KIRREL3: variants seen among roughly 807,000 people sequenced by gnomAD.
KIRREL3 encodes kirre like nephrin family adhesion molecule 3, also known as kin of IRRE-like protein 3.
Under a neutral mutation model 89.7 loss-of-function variants are expected in KIRREL3, and 36 were observed. That is an observed-to-expected ratio of 0.40 (90% CI 0.31 to 0.53). The LOEUF is 0.53. KIRREL3 is among the 20% of genes least tolerant of loss of function. KIRREL3 has a pLI of 0.49. For missense variants in KIRREL3, 864 were observed against 1,056.6 expected, an observed-to-expected ratio of 0.82 and a Z score of 2.53; for synonymous variants, 445 against 441.4, an observed-to-expected ratio of 1.01 and a Z score of -0.10.
rs1957084747 is a variant in KIRREL3 at position 126,476,961 on chromosome 11, C to T, written c.434-3495G>A. Among the ~76,000 whole-genome samples, 1 of 152,234 alleles carries T rather than the reference C, an allele frequency of 6.6e-6. No homozygotes were observed. On this transcript the variant is annotated intron_variant, in intron 4 of 16. Transcript: ENST00000525144. This position sits in a 1 kb window ranked among gnomAD's most constrained non-coding sequence, Gnocchi z 6.4. ...AGGAAGGTGGAGGCGTTAGCCTTTT[C>T]GTGATTAATCCGGAGATAAAAATAG... is the stretch of plus-strand genomic sequence containing the variant.
rs529497796 is a variant in KIRREL3, at chr11:126,623,339, C to T, written c.56-60427G>A. ...TGGTGTATGAGCAGGCCCCTGGGAT[C>T]GACACATGGATGAAGGGAGCCCTCT... On this transcript the variant is annotated intron_variant, in intron 1 of 16. Transcript: ENST00000525144. This position sits in a 1 kb window ranked among gnomAD's most constrained non-coding sequence, Gnocchi z 4.1. Among the ~76,000 whole-genome samples the T allele has an allele frequency of 3.3e-5, 5 of 152,252 alleles. No individual in the cohort carries two copies. The highest frequency in any genetic ancestry group is 4.2e-4 in the South Asian group (2 of 4,810).
intron 1 of KIRREL3, among the ~76,000 whole-genome samples, chr11:126,971,010 T>C (rs1949413621): frequency 6.6e-6 from 1 of 152,216 alleles, no homozygotes; most frequent in Admixed American, 6.5e-5. Context: ...TTAGTAAACA[T>C]TGCTTTTCCA....
Position 126,790,406 on chromosome 11 carries a change from G to A in KIRREL3, c.55+210049C>T, listed in dbSNP as rs117036777. 3.5e-4 allele frequency among the ~76,000 whole-genome samples: 53 copies of A among 152,322 alleles called. 1 individual carries two copies. In the East Asian group the frequency reaches 9.6e-3, roughly 28 times the overall value. On this transcript the variant is annotated intron_variant, in intron 1 of 16. Coordinates refer to ENST00000525144, the MANE Select transcript of KIRREL3 (RefSeq NM_032531.4). Reference sequence around the variant, plus strand: ...GAGGCTCTCCCCTGGTTAGCTTGATGACATTGGTCATCGAAGTTAACCTTC... The same window carrying A: ...GAGGCTCTCCCCTGGTTAGCTTGATAACATTGGTCATCGAAGTTAACCTTC...
At chr11:126,831,431 C>T (rs575819441) in intron 1 of KIRREL3, among the ~76,000 whole-genome samples, 43 of 68,714 alleles carry the variant, frequency 6.3e-4, no homozygotes, top group South Asian at 4.6e-3. Context: ...CTATCTCTCT[C>T]TCTTTCTCTC....
rs913240191 is a variant in KIRREL3 at position 126,970,572 on chromosome 11, G to T, written c.55+29883C>A. 3.3e-5 allele frequency among the ~76,000 whole-genome samples: 5 copies of T among 152,150 alleles called. No individual in the cohort carries two copies. The highest frequency in any genetic ancestry group is 3.2e-3 in the Middle Eastern group (1 of 316). On this transcript the variant is annotated intron_variant, in intron 1 of 16. Coordinates refer to ENST00000525144, the MANE Select transcript of KIRREL3 (RefSeq NM_032531.4). This position sits in a 1 kb window ranked among gnomAD's most constrained non-coding sequence, Gnocchi z 4.4. ...AGTATATTGTCATCTAAGGAAATCT[G>T]ATTTTTATTAAGTATCAAATCACAG...
chr11:126,827,180 A>ATTTT (rs61491863), intron 1 of KIRREL3, among the ~76,000 whole-genome samples: 1 of 148,388 alleles, frequency 6.7e-6, no homozygotes. Context: ...CCAGATTCAG[A>ATTTT]TTTTTTTTTT....
rs552933470 is a variant in KIRREL3, at chr11:126,857,520, G to A, written c.55+142935C>T. Among the ~76,000 whole-genome samples the A allele has an allele frequency of 2.6e-5, 4 of 152,286 alleles. No individual in the cohort carries two copies. The East Asian group carries it at 7.7e-4, about 29-fold the overall frequency. Reference sequence around the variant, plus strand: ...CACACTTCTGTTTGGCATCATCCCTGTCTCTATTCTGCTTCCCTTTCTTCT... The same window carrying A: ...CACACTTCTGTTTGGCATCATCCCTATCTCTATTCTGCTTCCCTTTCTTCT... On this transcript the variant is annotated intron_variant, in intron 1 of 16. Transcript: ENST00000525144.
At position 126,575,718 on chromosome 11, in the gene KIRREL3, A is replaced by G. The variant is rs1051428425; in HGVS notation, c.56-12806T>C. On this transcript the variant is annotated intron_variant, in intron 1 of 16. Coordinates refer to ENST00000525144, the MANE Select transcript of KIRREL3 (RefSeq NM_032531.4). The surrounding 1 kb of genome is among the most constrained non-coding windows in gnomAD (Gnocchi z 7.0). ...AGGAACAGCTTTGTTCAGCTCTCAGAGGAAGGGGCTGCCTGGTGGCTGTCC... is the reference window on the plus strand; with the variant it reads ...AGGAACAGCTTTGTTCAGCTCTCAGGGGAAGGGGCTGCCTGGTGGCTGTCC... Among the ~76,000 whole-genome samples, 3 of 152,114 alleles carry G rather than the reference A, an allele frequency of 2.0e-5. No individual in the cohort carries two copies. Among genetic ancestry groups the G allele is most frequent in the African/African-American group, 7.2e-5 (3 of 41,402 alleles).
intron 1 of KIRREL3, among the ~76,000 whole-genome samples, chr11:126,984,505 G>T (rs947098539): frequency 2.6e-5 from 4 of 152,198 alleles, no homozygotes; most frequent in Admixed American, 2.6e-4. Flanking sequence ...GTAAAAGGTT[G>T]CCCTGGGAAA....
rs1372352575 is a variant in KIRREL3 at position 126,429,620 on chromosome 11, T to C, written c.1697-332A>G. Among the ~76,000 whole-genome samples the C allele has an allele frequency of 6.6e-6, 1 of 152,232 alleles. No individual in the cohort carries two copies. Among genetic ancestry groups the C allele is most frequent in the East Asian group, 1.9e-4 (1 of 5,192 alleles). ...ATCCTACTGAATTCTCACTTCCTTC[T>C]AGAAGTCTTCTCTGACCTGCTCTAC... is the stretch of plus-strand genomic sequence containing the variant. On this transcript the variant is annotated intron_variant, in intron 14 of 16. Coordinates refer to ENST00000525144, the MANE Select transcript of KIRREL3 (RefSeq NM_032531.4). The surrounding 1 kb of genome is among the most constrained non-coding windows in gnomAD (Gnocchi z 5.2).
At position 126,594,585 on chromosome 11, in the gene KIRREL3, G is replaced by A. The variant is rs1371939700; in HGVS notation, c.56-31673C>T. Among the ~76,000 whole-genome samples, 1 of 152,028 alleles carries A rather than the reference G, an allele frequency of 6.6e-6. No individual in the cohort carries two copies. The highest frequency in any genetic ancestry group is 1.5e-5 in the Non-Finnish European group (1 of 68,032). ...CCTTCAACTGCTGGAGGGTCTGGGC[G>A]GTCATTTATCCTTGCTGGGCCTCAG... On this transcript the variant is annotated intron_variant, in intron 1 of 16. Coordinates refer to ENST00000525144, the MANE Select transcript of KIRREL3 (RefSeq NM_032531.4). This position sits in a 1 kb window ranked among gnomAD's most constrained non-coding sequence, Gnocchi z 5.0.
At chr11:126,450,370 TGA>T (rs1350854117) in intron 7 of KIRREL3, among the ~76,000 whole-genome samples, 37 of 149,314 alleles carry the variant, frequency 2.5e-4, no homozygotes, top group African/African-American at 4.7e-4. Context: ...TGTGCATGTG[TGA>T]GTGTGCATGT....
Position 126,594,323 on chromosome 11 carries a change from A to G in KIRREL3, c.56-31411T>C, listed in dbSNP as rs533939574. Among the ~76,000 whole-genome samples the G allele has an allele frequency of 4.6e-5, 7 of 152,218 alleles. No homozygotes were observed. In the South Asian group the frequency reaches 1.5e-3, roughly 32 times the overall value. On this transcript the variant is annotated intron_variant, in intron 1 of 16. Coordinates refer to ENST00000525144, the MANE Select transcript of KIRREL3 (RefSeq NM_032531.4). The surrounding 1 kb of genome is among the most constrained non-coding windows in gnomAD (Gnocchi z 5.0). ...GTACTGTGATTTTTTTGTTGTTGCT[A>G]TGGTCCTTTCTACCTGGATGAATTC...
intron 1 of KIRREL3, among the ~76,000 whole-genome samples, chr11:126,654,161 A>AGG (rs2134983100): frequency 6.8e-6 from 1 of 146,744 alleles, no homozygotes; most frequent in East Asian, 2.0e-4. Flanking sequence ...CTGGTGAGCG[A>AGG]GGGCTCGTGG....
intron 1 of KIRREL3, among the ~76,000 whole-genome samples, chr11:126,567,837 T>A (rs1057056912): frequency 1.3e-5 from 2 of 152,108 alleles, no homozygotes; most frequent in Non-Finnish European, 2.9e-5. Flanking sequence ...CAGACATTAA[T>A]GTGCCCTCAA....
intron 2 of KIRREL3, among the ~76,000 whole-genome samples, chr11:126,540,682 G>T (rs577251684): frequency 6.6e-6 from 1 of 152,348 alleles, no homozygotes; most frequent in South Asian, 2.1e-4. Context: ...TGGAAATATG[G>T]GCTCTTCAGT....
chr11:126,487,516 C>G (rs1167835904), intron 4 of KIRREL3, among the ~76,000 whole-genome samples: 1 of 152,214 alleles, frequency 6.6e-6, no homozygotes, highest in Admixed American at 6.5e-5. Context: ...CAACTTTATG[C>G]AAATTTACCA....
rs1232627991 is a variant in KIRREL3 at position 126,537,159 on chromosome 11, G to A, written c.134-10472C>T. On this transcript the variant is annotated intron_variant, in intron 2 of 16. Coordinates refer to ENST00000525144, the MANE Select transcript of KIRREL3 (RefSeq NM_032531.4). This position sits in a 1 kb window ranked among gnomAD's most constrained non-coding sequence, Gnocchi z 4.3. ...AGTGAGGGTCACTAATATAAGGATGGAAATGCTTGTCCTTGCTTCTAAGGA... is the reference window on the plus strand; with the variant it reads ...AGTGAGGGTCACTAATATAAGGATGAAAATGCTTGTCCTTGCTTCTAAGGA... Among the ~76,000 whole-genome samples the A allele has an allele frequency of 6.6e-6, 1 of 152,190 alleles. No individual in the cohort carries two copies. The highest frequency in any genetic ancestry group is 1.9e-4 in the East Asian group (1 of 5,186).
At chr11:126,767,768 A>G (rs1291150340) in intron 1 of KIRREL3, among the ~76,000 whole-genome samples, 1 of 152,236 alleles carries the variant, frequency 6.6e-6, no homozygotes, top group South Asian at 2.1e-4. Context: ...GAAACTTGCC[A>G]TAAGAACCCA....
Sources: gnomAD v4.1 joint callset for allele counts (sites outside exome capture counted in the v4.1 genomes callset) on GRCh38, gnomAD v4.1.1 for gene constraint, Gnocchi (gnomAD v3.1) non-coding constraint, MANE v1.5 for transcripts, NCBI Gene and HGNC (gene_info 2026-07-23, HGNC 2026-07-21) for gene names.